Variants in GRIN2A observed in about 807,000 individuals in gnomAD.
GRIN2A encodes glutamate ionotropic receptor NMDA type subunit 2A.
In GRIN2A, 22 loss-of-function variants were observed where a neutral mutation model predicts 113.4. The observed-to-expected ratio is 0.19, with a 90% confidence interval of 0.14 to 0.28. GRIN2A has a LOEUF of 0.28. GRIN2A is among the 10% of genes least tolerant of loss of function. The pLI, the probability that GRIN2A is intolerant of heterozygous loss-of-function variation, is 1.00. For synonymous variants in GRIN2A, 827 were observed against 738.4 expected, an observed-to-expected ratio of 1.12 and a Z score of -1.94; for missense variants, 1,502 against 1,887.0, an observed-to-expected ratio of 0.80 and a Z score of 3.78.
intron 4 of GRIN2A, among the ~76,000 whole-genome samples, chr16:9,850,894 G>T (rs1279748726): frequency 6.6e-6 from 1 of 152,136 alleles, no homozygotes; most frequent in Non-Finnish European, 1.5e-5. Context: ...TACACGCTGG[G>T]AGGAAGCTGC....
intron 2 of GRIN2A, among the ~76,000 whole-genome samples, chr16:10,102,252 C>A (rs2142113198): frequency 6.6e-6 from 1 of 152,366 alleles, no homozygotes; most frequent in South Asian, 2.1e-4. Flanking sequence ...AACAGCCTAG[C>A]ACCATAACCC....
intron 3 of GRIN2A, among the ~76,000 whole-genome samples, chr16:9,924,110 C>CAAAA (rs921695456): frequency 1.1e-3 from 20 of 18,192 alleles, no homozygotes; most frequent in African/African-American, 2.2e-3. Flanking sequence ...GACTTGGTCT[C>CAAAA]AAAAAAAAAA....
At chr16:10,098,437 G>A (rs1020700880) in intron 2 of GRIN2A, among the ~76,000 whole-genome samples, 1 of 152,222 alleles carries the variant, frequency 6.6e-6, no homozygotes, top group Non-Finnish European at 1.5e-5. Context: ...ATTTGGCACA[G>A]CAATCCCACT....
At chr16:10,164,683 TA>T (rs2049874852) in intron 2 of GRIN2A, among the ~76,000 whole-genome samples, 1 of 152,266 alleles carries the variant, frequency 6.6e-6, no homozygotes, top group Admixed American at 6.5e-5. Flanking sequence ...AAATATTTAT[TA>T]TTTTTTAGAA....
chr16:10,121,956 G>T (rs1868289), intron 2 of GRIN2A, among the ~76,000 whole-genome samples: 100,072 of 151,966 alleles, frequency 0.66, 33,196 homozygotes, highest in Admixed American at 0.71. Context: ...AGAGAAGCAT[G>T]GTCTAATTAA....
intron 2 of GRIN2A, among the ~76,000 whole-genome samples, chr16:10,146,079 A>T (rs1039508372): frequency 2.0e-5 from 3 of 152,206 alleles, no homozygotes; most frequent in African/African-American, 7.2e-5. Context: ...GAAGACAGGA[A>T]CAAGATGGGA....
intron 2 of GRIN2A, 105 bp downstream of exon 2, chr16:10,179,893 C>CCCCAAAAAAAA: frequency 1.8e-5 from 13 of 719,808 alleles, no homozygotes; most frequent in East Asian, 1.4e-4. Flanking sequence ...CCCCCACCCC[C>CCCCAAAAAAAA]ACTTCACATC....
intron 2 of GRIN2A, among the ~76,000 whole-genome samples, chr16:10,172,801 G>T (rs998265718): frequency 6.6e-6 from 1 of 152,226 alleles, no homozygotes; most frequent in Admixed American, 6.5e-5. Flanking sequence ...AAGGATGGGG[G>T]ATGCAGGACA....
At chr16:9,767,630 G>A (rs909841603) in intron 12 of GRIN2A, among the ~76,000 whole-genome samples, 3 of 151,970 alleles carry the variant, frequency 2.0e-5, no homozygotes, top group African/African-American at 7.3e-5. Context: ...AAAAAACAAG[G>A]TGGGCAAATA....
intron 4 of GRIN2A, among the ~76,000 whole-genome samples, chr16:9,866,344 G>A (rs1038409555): frequency 6.6e-6 from 1 of 152,190 alleles, no homozygotes; most frequent in Non-Finnish European, 1.5e-5. Context: ...GAAGGGATGT[G>A]TAGGATCAGA....
chr16:9,972,649 A>G (rs977384029), intron 2 of GRIN2A, among the ~76,000 whole-genome samples: 1 of 152,264 alleles, frequency 6.6e-6, no homozygotes, highest in African/African-American at 2.4e-5. Context: ...CATGAGAATG[A>G]AGATGACATA....
intron 4 of GRIN2A, among the ~76,000 whole-genome samples, chr16:9,881,275 CTG>C (rs1470472201): frequency 1.3e-5 from 2 of 152,234 alleles, no homozygotes; most frequent in African/African-American, 4.8e-5. Context: ...TCCTTTTCCT[CTG>C]TAGTTTCTCC....
At chr16:9,810,137 G>A (rs538598220) in intron 10 of GRIN2A, among the ~76,000 whole-genome samples, 1 of 152,286 alleles carries the variant, frequency 6.6e-6, no homozygotes, top group East Asian at 1.9e-4. Context: ...AGGGGATAGG[G>A]AAGGTATGGG....
intron 2 of GRIN2A, among the ~76,000 whole-genome samples, chr16:10,012,943 C>T (rs1254678199): frequency 2.6e-5 from 4 of 152,186 alleles, no homozygotes; most frequent in African/African-American, 7.2e-5. Flanking sequence ...GCAACTAATA[C>T]ACCATGTATC....
At chr16:10,030,525 C>A (rs1197386724) in intron 2 of GRIN2A, among the ~76,000 whole-genome samples, 1 of 152,188 alleles carries the variant, frequency 6.6e-6, no homozygotes, top group Non-Finnish European at 1.5e-5. Context: ...AAGATGCTAC[C>A]TGAAAACCCA....
intron 2 of GRIN2A, among the ~76,000 whole-genome samples, chr16:9,989,068 A>G (rs1253287813): frequency 6.6e-6 from 1 of 152,218 alleles, no homozygotes; most frequent in Non-Finnish European, 1.5e-5. Context: ...TAAAAAATAT[A>G]GGGTTGATGA....
rs539414316 is a variant in GRIN2A, at chr16:9,759,003, T to C, written c.*4146A>G. The C allele has an allele frequency of 3.6e-5, 8 of 221,604 alleles. No individual in the cohort carries two copies. The highest frequency in any genetic ancestry group is 2.3e-4 in the Admixed American group (4 of 17,400). 13.7% of individuals were successfully genotyped at this position (221,604 alleles called of 1,614,324 possible). A position where few individuals can be genotyped will look rare whatever the true frequency, so the allele number is the denominator to read the frequency against. On this transcript the variant is annotated 3_prime_UTR_variant, in exon 13 of 13. Transcript: ENST00000330684. ...TCTTTGAGTCCAATCATGTCTACTA[T>C]AGCCATGGTTAATACAAACAGGCTC...
intron 2 of GRIN2A, among the ~76,000 whole-genome samples, chr16:10,176,249 C>T (rs1174927840): frequency 6.6e-6 from 1 of 152,076 alleles, no homozygotes; most frequent in Non-Finnish European, 1.5e-5. Context: ...AGGTGATCCA[C>T]CCGCCTTGGC....
At chr16:9,909,686 A>G (rs1477037809) in intron 3 of GRIN2A, among the ~76,000 whole-genome samples, 1 of 152,240 alleles carries the variant, frequency 6.6e-6, no homozygotes, top group Non-Finnish European at 1.5e-5. Flanking sequence ...CCTTAAGTGT[A>G]TTTGAGATGG....
Sources: allele counts gnomAD v4.1 joint callset (sites outside exome capture counted in the v4.1 genomes callset), GRCh38; gene constraint gnomAD v4.1.1; transcripts MANE v1.5; gene names NCBI Gene and HGNC (gene_info 2026-07-23, HGNC 2026-07-21).